The following PROX2 variants were observed in gnomAD, a reference collection of about 807,000 sequenced individuals.
The protein encoded by PROX2 is prospero homeobox 2.
Under a neutral mutation model 48.9 loss-of-function variants are expected in PROX2, and 46 were observed. That is an observed-to-expected ratio of 0.94 (90% CI 0.74 to 1.20). The LOEUF (loss-of-function observed/expected upper bound fraction) is 1.20. PROX2 is among the 50% of genes most tolerant of loss of function. The pLI is 0.00. For missense variants in PROX2, 663 were observed against 719.4 expected (o/e 0.92, Z 0.90); for synonymous variants, 260 against 276.6 (o/e 0.94, Z 0.60).
At position 74,875,974 on chromosome 14, in the gene PROX2, C is replaced by G. The variant is rs755964570; in HGVS notation, c.-389G>C. On this transcript the variant is annotated 5_prime_UTR_variant, in exon 1 of 6. Coordinates refer to ENST00000556489, the MANE Select transcript of PROX2 (RefSeq NM_001243007.2). ...CAACCACTCTAGAAGACGGAGCAGC[C>G]CACTCTTCACCAGCCCTGGGCAGAC... is the stretch of plus-strand genomic sequence containing the variant. 1.3e-5 allele frequency among the ~76,000 whole-genome samples: 2 copies of G among 152,210 alleles called. No individual in the cohort carries two copies. The highest frequency in any genetic ancestry group is 2.9e-5 in the Non-Finnish European group (2 of 68,048).
chr14:74,870,498 T>A (rs1883186427), intron 2 of PROX2, among the ~76,000 whole-genome samples: 1 of 140,358 alleles, frequency 7.1e-6, no homozygotes, highest in South Asian at 2.3e-4. Flanking sequence ...AATAAATACA[T>A]CAAAATGTTG....
At chr14:74,862,295 G>T (rs1018427428) in intron 3 of PROX2, among the ~76,000 whole-genome samples, 1 of 152,184 alleles carries the variant, frequency 6.6e-6, no homozygotes, top group Non-Finnish European at 1.5e-5. Context: ...TCGAACTCCC[G>T]GGCTCAAGCA....
intron 1 of PROX2, among the ~76,000 whole-genome samples, chr14:74,872,397 G>A (rs1883236782): frequency 6.6e-6 from 1 of 152,138 alleles, no homozygotes; most frequent in South Asian, 2.1e-4. Flanking sequence ...ACCACCCAAC[G>A]TGATTGGAAA....
intron 2 of PROX2, among the ~76,000 whole-genome samples, chr14:74,866,982 CAG>C (rs1004766762): frequency 3.3e-5 from 5 of 152,134 alleles, no homozygotes; most frequent in Non-Finnish European, 7.4e-5. Context: ...TGACTTTAGA[CAG>C]GGGAATGCTC....
intron 2 of PROX2, among the ~76,000 whole-genome samples, chr14:74,869,340 G>A (rs1460211621): frequency 3.3e-5 from 5 of 151,514 alleles, no homozygotes; most frequent in Non-Finnish European, 7.4e-5. Flanking sequence ...GTGCAGTGGC[G>A]TGATCTCGGC....
intron 2 of PROX2, among the ~76,000 whole-genome samples, chr14:74,864,391 A>G (rs997195040): frequency 1.3e-5 from 2 of 152,234 alleles, no homozygotes; most frequent in African/African-American, 2.4e-5. Context: ...GGTCATGCCT[A>G]TTGTCTACAG....
At chr14:74,860,188 T>G (rs551501798) in intron 3 of PROX2, among the ~76,000 whole-genome samples, 1 of 152,356 alleles carries the variant, frequency 6.6e-6, no homozygotes, top group South Asian at 2.1e-4. Flanking sequence ...AAATGGAGTT[T>G]GGATTTCAGA....
intron 3 of PROX2, chr14:74,859,275 A>G (rs565221897): frequency 6.6e-6 from 1 of 152,320 alleles, no homozygotes; most frequent in Admixed American, 6.5e-5. Flanking sequence ...GACTCTTTGT[A>G]CAAACTGTTG....
intron 2 of PROX2, among the ~76,000 whole-genome samples, chr14:74,868,605 C>G (rs1211983380): frequency 6.6e-6 from 1 of 151,574 alleles, no homozygotes; most frequent in Non-Finnish European, 1.5e-5. Context: ...GAGGCTGAGG[C>G]AGGCGGATCA....
intron 2 of PROX2, among the ~76,000 whole-genome samples, chr14:74,870,400 G>A (rs1883180395): frequency 7.4e-6 from 1 of 135,514 alleles, no homozygotes; most frequent in Non-Finnish European, 1.5e-5. Context: ...ACTCTAGCCT[G>A]GGCAACAGAG....
intron 2 of PROX2, among the ~76,000 whole-genome samples, chr14:74,870,203 G>A (rs574122588): frequency 6.6e-6 from 1 of 151,844 alleles, no homozygotes; most frequent in East Asian, 1.9e-4. Flanking sequence ...AAGGTGGGAG[G>A]ATTGCTTGAG....
Position 74,863,241 on chromosome 14 carries a change from C to A in PROX2, c.594G>T (p.Lys198Asn). The change falls in exon 3 of 6, where the codon AAG (lysine) becomes AAT (asparagine). Residue 198 changes from lysine to asparagine, a missense_variant. Coordinates refer to ENST00000556489, the MANE Select transcript of PROX2 (RefSeq NM_001243007.2). The part of the protein sequence containing the change: ...VDGDHQQGTS[K>N]DLSGAEKHQE... Reference sequence around the variant, plus strand: ...GGTGTTTTTCTGCCCCAGAGAGGTCCTTGCTGGTACCTTGCTGGTGGTCAC... The same window carrying A: ...GGTGTTTTTCTGCCCCAGAGAGGTCATTGCTGGTACCTTGCTGGTGGTCAC... 6.2e-7 allele frequency: 1 copy of A among 1,613,870 alleles called. No homozygotes were observed. The highest frequency in any genetic ancestry group is 8.5e-7 in the Non-Finnish European group (1 of 1,179,794).
In PROX2 at chr14:74,863,229, C is replaced by G. The variant is rs1566780464; in HGVS notation, c.606G>C (p.Gly202=). ...TCTCAGACTCTTGGTGTTTTTCTGC[C>G]CCAGAGAGGTCCTTGCTGGTACCTT... ...HQQGTSKDLS[G]AEKHQESEKP... The change falls in exon 3 of 6, where the codon GGG becomes GGC. Residue 202 remains glycine (G), a synonymous_variant. Coordinates refer to ENST00000556489, the MANE Select transcript of PROX2 (RefSeq NM_001243007.2). 1 of 1,613,870 alleles carries G rather than the reference C, an allele frequency of 6.2e-7. No individual in the cohort carries two copies. Among genetic ancestry groups the G allele is most frequent in the East Asian group, 2.2e-5 (1 of 44,888 alleles).
intron 5 of PROX2, chr14:74,856,565 A>G: frequency 1.9e-6 from 1 of 538,304 alleles, no homozygotes; most frequent in Non-Finnish European, 3.3e-6. Context: ...AACACCTGGC[A>G]GCCCTCTCAC....
At position 74,868,338 on chromosome 14, in the gene PROX2, TA is replaced by T. The variant is rs1883123121; in HGVS notation, c.-175+2764del. On this transcript the variant is annotated intron_variant, in intron 2 of 5. Coordinates refer to ENST00000556489, the MANE Select transcript of PROX2 (RefSeq NM_001243007.2). ...TTATATATATATATATATATATATA[TA>T]TATATATATATATATATATATAAAC... is the stretch of plus-strand genomic sequence containing the variant. 3.7e-5 allele frequency among the ~76,000 whole-genome samples: 5 copies of T among 134,028 alleles called. No individual in the cohort carries two copies. The South Asian group carries it at 7.2e-4, about 19-fold the overall frequency. The allele number at this position is 134,028 out of a possible 152,430, so 87.9% of individuals were successfully genotyped here.
Position 74,853,580 on chromosome 14 carries a change from T to G in PROX2, c.*1552A>C, listed in dbSNP as rs185614009. ...AAAGGAAAATTCATCTTTCATACTTTTTATGCTGATAGTTCTAGTAATAGT... is the reference window on the plus strand; with the variant it reads ...AAAGGAAAATTCATCTTTCATACTTGTTATGCTGATAGTTCTAGTAATAGT... On this transcript the variant is annotated 3_prime_UTR_variant, in exon 6 of 6. Transcript: ENST00000556489. The G allele has an allele frequency of 6.6e-6, 1 of 152,228 alleles. No individual in the cohort carries two copies. The highest frequency in any genetic ancestry group is 1.5e-5 in the Non-Finnish European group (1 of 68,036). 9.4% of individuals were successfully genotyped at this position (152,228 alleles called of 1,614,324 possible). A position where few individuals can be genotyped will look rare whatever the true frequency, so the allele number is the denominator to read the frequency against.
intron 3 of PROX2, chr14:74,861,071 GT>G: frequency 2.1e-6 from 1 of 474,232 alleles, no homozygotes; most frequent in Middle Eastern, 6.9e-4. Context: ...GCTTTGGGGT[GT>G]TTCCAACACT....
chr14:74,857,122 TA>T (rs1172019761), intron 4 of PROX2, 127 bp from the exon 5 acceptor site: 2 of 714,274 alleles, frequency 2.8e-6, no homozygotes, highest in Non-Finnish European at 2.3e-6. Flanking sequence ...GGGCTTCCTT[TA>T]AAAAAAGAAG....
chr14:74,860,585 G>C (rs796759694), intron 3 of PROX2, among the ~76,000 whole-genome samples: 29 of 152,208 alleles, frequency 1.9e-4, no homozygotes, highest in African/African-American at 6.7e-4. Flanking sequence ...GAATGTGAAC[G>C]TTCTTTTTAT....
Sources: gnomAD v4.1 joint callset for allele counts (sites outside exome capture counted in the v4.1 genomes callset) on GRCh38, gnomAD v4.1.1 for gene constraint, MANE v1.5 for transcripts, NCBI Gene and HGNC (gene_info 2026-07-23, HGNC 2026-07-21) for gene names.